SMG6: variants seen among roughly 807,000 people sequenced by gnomAD.
SMG6 encodes telomerase-binding protein EST1A.
A neutral mutation model predicts 142.2 loss-of-function variants in SMG6; 66 were observed. The observed-to-expected ratio is 0.46, with a 90% CI of 0.38 to 0.57. The LOEUF is 0.57. SMG6 is among the 20% of genes least tolerant of loss of function. The probability of loss-of-function intolerance (pLI) is 0.00; values close to 1 mark genes in which losing one functional copy is unlikely to be tolerated. For synonymous variants in SMG6, 779 were observed against 702.4 expected, an observed-to-expected ratio of 1.11 and a Z score of -1.72; for missense variants, 1,793 against 1,832.0, an observed-to-expected ratio of 0.98 and a Z score of 0.39.
At chr17:2,149,730 G>C (rs987629166) in intron 13 of SMG6, among the ~76,000 whole-genome samples, 3 of 152,226 alleles carry the variant, frequency 2.0e-5, no homozygotes, top group Admixed American at 6.5e-5. Flanking sequence ...GACTGCTTCA[G>C]TTGTCTTTTT....
intron 13 of SMG6, among the ~76,000 whole-genome samples, chr17:2,122,858 C>T (rs553084458): frequency 1.3e-5 from 2 of 152,308 alleles, no homozygotes; most frequent in Admixed American, 6.5e-5. Flanking sequence ...TTAGGCAACT[C>T]GAAACTCCAC....
intron 13 of SMG6, among the ~76,000 whole-genome samples, chr17:2,116,379 A>G (rs1425466154): frequency 6.6e-6 from 1 of 152,136 alleles, no homozygotes; most frequent in East Asian, 1.9e-4. Context: ...GTACCTGACC[A>G]AGAAAAAATT....
In SMG6 at chr17:2,211,953, A is replaced by G. The variant is rs767895407; in HGVS notation, c.2870-23438T>C. Among the ~76,000 whole-genome samples the G allele has an allele frequency of 2.0e-5, 3 of 152,174 alleles. No individual in the cohort carries two copies. The South Asian group carries it at 6.2e-4, about 31-fold the overall frequency. On this transcript the variant is annotated intron_variant, in intron 10 of 18. Coordinates refer to ENST00000263073, the MANE Select transcript of SMG6 (RefSeq NM_017575.5). ...AGACTCCCCAAGAGCCAGTTTGGTT[A>G]TATTTCCCACAGAGATCTGAAAACC...
rs112713612 is a variant in SMG6 at position 2,257,758 on chromosome 17, C to G, written c.2662-13039G>C. Among the ~76,000 whole-genome samples the G allele has an allele frequency of 7.2e-3, 1,097 of 152,028 alleles. 11 individuals carry two copies. Among genetic ancestry groups the G allele is most frequent in the Middle Eastern group, 0.027 (8 of 294 alleles). The stretch of plus-strand genomic sequence containing the variant: ...TCCTGGCTGGGCCTGGTGGCTCATG[C>G]TTGTAATCCCAGCACTTTGGGGGGC... On this transcript the variant is annotated intron_variant, in intron 8 of 18. Coordinates refer to ENST00000263073, the MANE Select transcript of SMG6 (RefSeq NM_017575.5).
At chr17:2,180,005 A>G (rs1468085927) in intron 12 of SMG6, among the ~76,000 whole-genome samples, 1 of 152,220 alleles carries the variant, frequency 6.6e-6, no homozygotes, top group Admixed American at 6.5e-5. Flanking sequence ...AAATCAGGAT[A>G]AGTGAAGATT....
rs573738163 is a variant in SMG6 at position 2,060,321 on chromosome 17, C to T, written c.*1171G>A. 1.3e-5 allele frequency: 2 copies of T among 152,394 alleles called. No individual in the cohort carries two copies. Among genetic ancestry groups the T allele is most frequent in the East Asian group, 3.9e-4 (2 of 5,194 alleles). The allele number at this position is 152,394 out of a possible 1,614,324, so 9.4% of individuals were successfully genotyped here. A position where few individuals can be genotyped will look rare whatever the true frequency, so the allele number is the denominator to read the frequency against. ...AGCTAAAGGGGCAAGGAAAGGGCCC[C>T]TGTGTCAGTGTCAGTTTTTCCGGGG... On this transcript the variant is annotated 3_prime_UTR_variant, in exon 19 of 19. Transcript: ENST00000263073.
intron 10 of SMG6, among the ~76,000 whole-genome samples, chr17:2,216,514 C>T (rs142151773): frequency 6.6e-6 from 1 of 152,152 alleles, no homozygotes; most frequent in African/African-American, 2.4e-5. Flanking sequence ...TAACATTTTG[C>T]AAGGCACAAA....
chr17:2,123,187 G>A lies in SMG6; in HGVS notation c.3358-37286C>T, dbSNP rs545414271. Among the ~76,000 whole-genome samples, 4 of 152,350 alleles carry A rather than the reference G, an allele frequency of 2.6e-5. No homozygotes were observed. In the East Asian group the frequency reaches 7.7e-4, roughly 29 times the overall value. On this transcript the variant is annotated intron_variant, in intron 13 of 18. Transcript: ENST00000263073. ...TGGCTAAGGGCTTCCCCAGGCCTGG[G>A]TGGGAGGCTTGTCACTGACTCTGGC...
intron 2 of SMG6, 34 bp downstream of exon 2, chr17:2,298,872 C>A (rs1567761111): frequency 7.6e-6 from 12 of 1,576,558 alleles, no homozygotes; most frequent in Non-Finnish European, 1.0e-5. Flanking sequence ...GGCTGATCCC[C>A]ATTTCCCTCC....
At chr17:2,268,343 C>A (rs17761864) in intron 8 of SMG6, among the ~76,000 whole-genome samples, 42,634 of 152,080 alleles carry the variant, frequency 0.28, 6,954 homozygotes, top group Admixed American at 0.36. Flanking sequence ...TAAAACCATG[C>A]TCTGATCTAT....
chr17:2,084,846 A>T (rs1019878074), intron 14 of SMG6, among the ~76,000 whole-genome samples: 7 of 152,246 alleles, frequency 4.6e-5, no homozygotes, highest in Admixed American at 6.5e-5. Flanking sequence ...ATCCAGACAG[A>T]AATACCCACA....
In SMG6 at chr17:2,112,277, G is replaced by T. The variant is rs372328683; in HGVS notation, c.3358-26376C>A. On this transcript the variant is annotated intron_variant, in intron 13 of 18. Transcript: ENST00000263073. The stretch of plus-strand genomic sequence containing the variant: ...CCCAGCACTTTGGGAGGCTGAGGCG[G>T]GTGGATCACGAGGTCAGGAGATCGA... 8.0e-4 allele frequency among the ~76,000 whole-genome samples: 122 copies of T among 151,948 alleles called. 2 individuals carry two copies. The East Asian group carries it at 0.014, about 18-fold the overall frequency.
intron 13 of SMG6, chr17:2,088,619 G>A: frequency 3.0e-6 from 3 of 985,452 alleles, no homozygotes; most frequent in Non-Finnish European, 3.6e-6. Context: ...GAGAAAGGTT[G>A]TCTGTCTTTT....
chr17:2,061,201 G>A lies in SMG6; in HGVS notation c.*291C>T, dbSNP rs2067764415. 5.8e-6 allele frequency: 2 copies of A among 343,556 alleles called. No homozygotes were observed. The highest frequency in any genetic ancestry group is 1.2e-4 in the East Asian group (2 of 16,128). 21.3% of individuals were successfully genotyped at this position (343,556 alleles called of 1,614,324 possible). On this transcript the variant is annotated 3_prime_UTR_variant, in exon 19 of 19. Transcript: ENST00000263073. ...ATGAGACGGGGGAGGGAGAAAGGCT[G>A]AGAGCATGGGCGGCCTATCTGGCTT...
At chr17:2,157,100 T>C (rs1464209058) in intron 13 of SMG6, among the ~76,000 whole-genome samples, 1 of 152,226 alleles carries the variant, frequency 6.6e-6, no homozygotes, top group Non-Finnish European at 1.5e-5. Flanking sequence ...AAAGTCCGTA[T>C]GTGGGCTGAA....
intron 11 of SMG6, among the ~76,000 whole-genome samples, chr17:2,187,896 C>T (rs2151691218): frequency 6.6e-6 from 1 of 152,254 alleles, no homozygotes; most frequent in East Asian, 1.9e-4. Flanking sequence ...CTACAACAAT[C>T]TGGCTTAGAC....
At chr17:2,240,491 A>C (rs1325026703) in intron 9 of SMG6, among the ~76,000 whole-genome samples, 1 of 152,208 alleles carries the variant, frequency 6.6e-6, no homozygotes, top group East Asian at 1.9e-4. Context: ...AGAAAAAAAA[A>C]AACAAATCAT....
chr17:2,228,529 A>G (rs1230488591), intron 10 of SMG6, among the ~76,000 whole-genome samples: 1 of 151,080 alleles, frequency 6.6e-6, no homozygotes, highest in Non-Finnish European at 1.5e-5. Flanking sequence ...GCCCGGCCTA[A>G]TTTTTGCATT....
At chr17:2,244,578 C>G (rs2073887897) in intron 9 of SMG6, 80 bp downstream of exon 9, 1 of 1,130,324 alleles carries the variant, frequency 8.8e-7, no homozygotes, top group Non-Finnish European at 1.3e-6. Flanking sequence ...CAGTTACAAA[C>G]ACAGTCCAGT....
Sources: gnomAD v4.1 joint callset for allele counts (sites outside exome capture counted in the v4.1 genomes callset) on GRCh38, gnomAD v4.1.1 for gene constraint, MANE v1.5 for transcripts, NCBI Gene and HGNC (gene_info 2026-07-23, HGNC 2026-07-21) for gene names.